GLB1L2: variants seen among roughly 807,000 people sequenced by gnomAD.
The protein encoded by GLB1L2 is beta-galactosidase-1-like protein 2.
In GLB1L2, 68 loss-of-function variants were observed where a neutral mutation model predicts 84.1. The observed-to-expected ratio is 0.81, with a 90% CI of 0.67 to 0.99. The LOEUF is 0.99. Ranked by LOEUF, GLB1L2 falls within the 50% of genes least tolerant of loss-of-function variation. The probability of loss-of-function intolerance (pLI) is 0.00; values close to 1 mark genes in which losing one functional copy is unlikely to be tolerated. For missense variants in GLB1L2, 762 were observed against 805.6 expected, an observed-to-expected ratio of 0.95 and a Z score of 0.66; for synonymous variants, 290 against 318.0, an observed-to-expected ratio of 0.91 and a Z score of 0.94.
At position 134,344,460 on chromosome 11, in the gene GLB1L2, G is replaced by A; in HGVS notation, c.353+5G>A. The A allele has an allele frequency of 1.2e-6, 2 of 1,612,484 alleles. No homozygotes were observed. The highest frequency in any genetic ancestry group is 2.2e-5 in the South Asian group (2 of 90,982). ...CTCTGGGAACCTGGACCTGGAGTAT[G>A]TGGTGTTGCTGCTTCTGTGAACTGG... On this transcript the variant is annotated splice_donor_5th_base_variant and intron_variant, in intron 3 of 18. Coordinates refer to ENST00000535456, the MANE Select transcript of GLB1L2 (RefSeq NM_001370461.1).
intron 4 of GLB1L2, chr11:134,346,982 T>C (rs1172804492): frequency 1.2e-5 from 3 of 253,384 alleles, no homozygotes; most frequent in Non-Finnish European, 2.4e-5. Context: ...CCTTTTGACT[T>C]CACTTTTTGA....
chr11:134,349,863 C>T (rs1943602262), intron 5 of GLB1L2, among the ~76,000 whole-genome samples: 1 of 152,172 alleles, frequency 6.6e-6, no homozygotes, highest in South Asian at 2.1e-4. Context: ...CTGGGTCCTT[C>T]GCTTCAAGGC....
chr11:134,349,026 G>A (rs1321953874), intron 5 of GLB1L2, among the ~76,000 whole-genome samples: 1 of 152,130 alleles, frequency 6.6e-6, no homozygotes, highest in Non-Finnish European at 1.5e-5. Context: ...TAAATTTTGG[G>A]AGAACACAGT....
At chr11:134,354,157 A>T in intron 5 of GLB1L2, among the ~76,000 whole-genome samples, 1 of 152,022 alleles carries the variant, frequency 6.6e-6, no homozygotes, top group African/African-American at 2.4e-5. Flanking sequence ...TGATTTTTTT[A>T]TAGTGACACT....
In GLB1L2 at chr11:134,370,514, G is replaced by A; in HGVS notation, c.1215+115G>A. On this transcript the variant is annotated intron_variant, in intron 12 of 18. Transcript: ENST00000535456. The surrounding 1 kb of genome is among the most constrained non-coding windows in gnomAD (Gnocchi z 4.7). ...GAGGTGAGAGTCGTCGGGGCAGCAGGGCCTGGAGCCCCTCCAGACAGGGAG... is the reference window on the plus strand; with the variant it reads ...GAGGTGAGAGTCGTCGGGGCAGCAGAGCCTGGAGCCCCTCCAGACAGGGAG... The A allele has an allele frequency of 1.3e-6, 1 of 767,846 alleles. No individual in the cohort carries two copies. The highest frequency in any genetic ancestry group is 1.5e-5 in the South Asian group (1 of 64,538). 47.6% of individuals were successfully genotyped at this position (767,846 alleles called of 1,614,324 possible). A position where few individuals can be genotyped will look rare whatever the true frequency, so the allele number is the denominator to read the frequency against.
chr11:134,347,523 C>T (rs139270497), intron 5 of GLB1L2, 90 bp downstream of exon 5: 36 of 892,386 alleles, frequency 4.0e-5, no homozygotes, highest in Non-Finnish European at 6.6e-5. Context: ...AAGGGTCCTC[C>T]AGTGTTTTGA....
rs1943350574 is a variant in GLB1L2, at chr11:134,334,431, T to C, written c.86+2284T>C. On this transcript the variant is annotated intron_variant, in intron 1 of 18. Transcript: ENST00000535456. The surrounding 1 kb of genome is among the most constrained non-coding windows in gnomAD (Gnocchi z 4.1). ...AAGACTAGGATGACCAGGTTGACTT[T>C]TGGGGAGGATTTCAGTCTTAGAATT... Among the ~76,000 whole-genome samples the C allele has an allele frequency of 6.6e-6, 1 of 152,190 alleles. No individual in the cohort carries two copies. The highest frequency in any genetic ancestry group is 1.5e-5 in the Non-Finnish European group (1 of 68,034).
At chr11:134,346,179 C>T (rs945876934) in intron 4 of GLB1L2, among the ~76,000 whole-genome samples, 4 of 152,162 alleles carry the variant, frequency 2.6e-5, no homozygotes, top group East Asian at 1.9e-4. Context: ...CCCGCCCTTC[C>T]CTCGGGGGCA....
At position 134,367,308 on chromosome 11, in the gene GLB1L2, T is replaced by G. The variant is rs1392528581; in HGVS notation, c.856T>G (p.Trp286Gly). 6.2e-7 allele frequency: 1 copy of G among 1,614,054 alleles called. No individual in the cohort carries two copies. ...GTACTGGACGGGGTGGTTTGACTCG[T>G]GGGGAGGCCCTCACAATATCTTGGA... is the stretch of plus-strand genomic sequence containing the variant. ...MEYWTGWFDS[W>G]GGPHNILDSS... is the part of the protein sequence containing the mutation. The change falls in exon 9 of 19, where the codon TGG becomes GGG. Residue 286 changes from tryptophan to glycine, a missense_variant. Trp to Gly is a radical substitution (Grantham distance 184, BLOSUM62 -2). Around this residue, in one of 3 missense-constraint regions of GLB1L2, gnomAD observed 603 missense variants for 611.7 expected, o/e 0.99. Coordinates refer to ENST00000535456, the MANE Select transcript of GLB1L2 (RefSeq NM_001370461.1).
chr11:134,342,576 G>T (rs1943482591), intron 1 of GLB1L2, among the ~76,000 whole-genome samples, 178 bp from the exon 2 acceptor site: 1 of 152,218 alleles, frequency 6.6e-6, no homozygotes, highest in Admixed American at 6.5e-5. Context: ...CTGCCGCGGG[G>T]CCCCGTGCTG....
At position 134,367,143 on chromosome 11, in the gene GLB1L2, T is replaced by G. The variant is rs114480519; in HGVS notation, c.805-114T>G. 5.4e-3 allele frequency: 4,948 copies of G among 922,114 alleles called. 112 individuals are homozygous for G. In the African/African-American group the frequency reaches 0.058, roughly 11 times the overall value. The allele number at this position is 922,114 out of a possible 1,614,324, so 57.1% of individuals were successfully genotyped here. A position where few individuals can be genotyped will look rare whatever the true frequency, so the allele number is the denominator to read the frequency against. ...CCAAAGACCTCTAAGGCAGTGGGTA[T>G]GCAGACAGGGAAGAGTAGAGAGGGC... On this transcript the variant is annotated intron_variant, in intron 8 of 18. Coordinates refer to ENST00000535456, the MANE Select transcript of GLB1L2 (RefSeq NM_001370461.1).
intron 2 of GLB1L2, among the ~76,000 whole-genome samples, chr11:134,344,037 T>C (rs1365505373): frequency 1.3e-5 from 2 of 152,256 alleles, no homozygotes; most frequent in Admixed American, 1.3e-4. Context: ...TCAGTAAATA[T>C]AGGATGATCA....
intron 6 of GLB1L2, among the ~76,000 whole-genome samples, chr11:134,358,515 A>G (rs1943737400): frequency 6.6e-6 from 1 of 152,244 alleles, no homozygotes; most frequent in South Asian, 2.1e-4. Context: ...AGCTGGGAGG[A>G]TGCTTCCTGC....
At chr11:134,335,229 C>CCTT (rs1943365553) in intron 1 of GLB1L2, among the ~76,000 whole-genome samples, 1 of 148,838 alleles carries the variant, frequency 6.7e-6, no homozygotes, top group Non-Finnish European at 1.5e-5. Context: ...ATGCAGGTCA[C>CCTT]TTTTTTTTTT....
At chr11:134,362,110 G>A (rs1312022434) in intron 7 of GLB1L2, among the ~76,000 whole-genome samples, 1 of 152,194 alleles carries the variant, frequency 6.6e-6, no homozygotes, top group Non-Finnish European at 1.5e-5. Flanking sequence ...GATTGTCTAC[G>A]TCTTTTCTGT....
intron 1 of GLB1L2, among the ~76,000 whole-genome samples, chr11:134,337,495 G>A (rs1182359528): frequency 6.6e-6 from 1 of 152,182 alleles, no homozygotes; most frequent in African/African-American, 2.4e-5. Context: ...GCACCATCTG[G>A]GCCAAAGAGT....
At position 134,370,096 on chromosome 11, in the gene GLB1L2, G is replaced by A. The variant is rs1172891644; in HGVS notation, c.1109-197G>A. Among the ~76,000 whole-genome samples, 1 of 152,138 alleles carries A rather than the reference G, an allele frequency of 6.6e-6. No homozygotes were observed. Among genetic ancestry groups the A allele is most frequent in the African/African-American group, 2.4e-5 (1 of 41,430 alleles). On this transcript the variant is annotated intron_variant, in intron 11 of 18. Coordinates refer to ENST00000535456, the MANE Select transcript of GLB1L2 (RefSeq NM_001370461.1). This position sits in a 1 kb window ranked among gnomAD's most constrained non-coding sequence, Gnocchi z 4.7. Reference sequence around the variant, plus strand: ...TTAACGCTCCTTATCTCCTGTGGAGGACGGGAGAACGCCCTGGCTTTCCCC... The same window carrying A: ...TTAACGCTCCTTATCTCCTGTGGAGAACGGGAGAACGCCCTGGCTTTCCCC...
In GLB1L2 at chr11:134,375,084, C is replaced by T. The variant is rs772353534; in HGVS notation, c.*26C>T. The T allele has an allele frequency of 6.3e-7, 1 of 1,594,822 alleles. No individual in the cohort carries two copies. The highest frequency in any genetic ancestry group is 8.6e-7 in the Non-Finnish European group (1 of 1,165,298). On this transcript the variant is annotated 3_prime_UTR_variant, in exon 19 of 19. Coordinates refer to ENST00000535456, the MANE Select transcript of GLB1L2 (RefSeq NM_001370461.1). ...GCGGTGGCACCCCCTCCTGCTGGTG[C>T]CAGTGGGAGACTGCCGCCTCCTCTT...
rs762259660 is a variant in GLB1L2 at position 134,342,898 on chromosome 11, C to A, written c.231C>A (p.Tyr77Ter). Residue 77 changes from tyrosine to a stop codon, truncating the protein, a stop_gained, in exon 2 of 19, where the codon TAC becomes TAA. Coordinates refer to ENST00000535456, the MANE Select transcript of GLB1L2 (RefSeq NM_001370461.1). LOFTEE classifies it high-confidence loss of function. ...ACTATTTCCGTGTGCCCAGGGAGTA[C>A]TGGAGGGACCGCCTGCTGAAGATGA... ...SIHYFRVPRE[Y>*]WRDRLLKMKA... The A allele has an allele frequency of 1.2e-6, 2 of 1,614,048 alleles. No individual in the cohort carries two copies. Among genetic ancestry groups the A allele is most frequent in the East Asian group, 4.5e-5 (2 of 44,872 alleles).
Sources: gnomAD v4.1 joint callset for allele counts (sites outside exome capture counted in the v4.1 genomes callset) on GRCh38, gnomAD v4.1.1 for gene constraint, gnomAD v4.1.1 regional missense constraint, Gnocchi (gnomAD v3.1) non-coding constraint, MANE v1.5 for transcripts, NCBI Gene and HGNC (gene_info 2026-07-23, HGNC 2026-07-21) for gene names.